FGF14: variants seen among roughly 807,000 people sequenced by gnomAD.
The protein encoded by FGF14 is fibroblast growth factor 14.
A neutral mutation model predicts 25.5 loss-of-function variants in FGF14; 5 were observed. The ratio of observed to expected loss-of-function variants is 0.20; its 90% CI spans 0.10 to 0.41. The LOEUF (loss-of-function observed/expected upper bound fraction) is 0.41. FGF14 is among the 10% of genes least tolerant of loss of function. The probability of loss-of-function intolerance (pLI) is 1.00; values close to 1 mark genes in which losing one functional copy is unlikely to be tolerated. For missense variants in FGF14, 222 were observed against 320.1 expected (o/e 0.69, Z 2.34); for synonymous variants, 138 against 118.3 (o/e 1.17, Z -1.08).
chr13:102,348,046 G>C (rs919806778), intron 1 of FGF14, among the ~76,000 whole-genome samples: 1 of 151,398 alleles, frequency 6.6e-6, no homozygotes, highest in African/African-American at 2.4e-5. Flanking sequence ...CATCTCATGA[G>C]GATGTGTGAG....
intron 1 of FGF14, among the ~76,000 whole-genome samples, chr13:102,097,028 A>AT (rs2044433704): frequency 1.1e-5 from 1 of 89,060 alleles, no homozygotes; most frequent in African/African-American, 3.1e-5. Flanking sequence ...TGACTGGAGG[A>AT]CTTTTTTTTT....
At chr13:101,919,300 T>G (rs374185659), upstream of FGF14, among the ~76,000 whole-genome samples, 70 of 151,944 alleles carry the variant, frequency 4.6e-4, no homozygotes, top group African/African-American at 1.5e-3. Context: ...AGGTTTATTA[T>G]CAAAGGCTTC....
intron 1 of FGF14, among the ~76,000 whole-genome samples, chr13:102,035,078 A>G (rs1190645542): frequency 1.3e-5 from 2 of 152,106 alleles, no homozygotes; most frequent in Non-Finnish European, 2.9e-5. Flanking sequence ...AACTTGAAAT[A>G]ATACGGAGAA....
chr13:102,187,733 T>C (rs2048933572), intron 1 of FGF14, among the ~76,000 whole-genome samples: 2 of 152,188 alleles, frequency 1.3e-5, no homozygotes, highest in Non-Finnish European at 2.9e-5. Context: ...AGCACCTCTG[T>C]GGAAGAAAAG....
intron 1 of FGF14, among the ~76,000 whole-genome samples, chr13:102,068,391 A>T (rs1338594920): frequency 6.6e-6 from 1 of 152,224 alleles, no homozygotes; most frequent in African/African-American, 2.4e-5. Context: ...GGAGCCCTTC[A>T]GCCCACCGCT....
chr13:101,909,482 C>T (rs1204340279), intron 1 of FGF14, among the ~76,000 whole-genome samples: 7 of 152,102 alleles, frequency 4.6e-5, no homozygotes, highest in East Asian at 1.9e-4. Context: ...CCAAAAGACA[C>T]GTGAAAAAAT....
chr13:102,044,160 G>C (rs1566612986), intron 1 of FGF14, among the ~76,000 whole-genome samples: 2 of 152,110 alleles, frequency 1.3e-5, no homozygotes, highest in Non-Finnish European at 2.9e-5. Flanking sequence ...TCAAGACCCG[G>C]TTGGCCAGCT....
At chr13:102,258,242 CAAGAT>C (rs1393550681) in intron 1 of FGF14, among the ~76,000 whole-genome samples, 1 of 152,132 alleles carries the variant, frequency 6.6e-6, no homozygotes, top group Admixed American at 6.5e-5. Flanking sequence ...AACTACAATT[CAAGAT>C]GAGATTTGGG....
intron 1 of FGF14, among the ~76,000 whole-genome samples, chr13:102,325,713 G>A (rs1418773987): frequency 1.3e-5 from 2 of 151,886 alleles, no homozygotes; most frequent in South Asian, 2.1e-4. Context: ...TACCATCCTC[G>A]GTCACACTAT....
In FGF14 at chr13:102,161,660, A is replaced by G. The variant is rs763468389; in HGVS notation, c.208+239811T>C. On this transcript the variant is annotated intron_variant, in intron 1 of 4. Transcript: ENST00000376131. ...AAGAAGAAGAAGAAGAAGAAGAAGAAGAAGAAGAAGAAGAAGAAGAAGAAG... is the reference window on the plus strand; with the variant it reads ...AAGAAGAAGAAGAAGAAGAAGAAGAGGAAGAAGAAGAAGAAGAAGAAGAAG... 3.9e-3 allele frequency among the ~76,000 whole-genome samples: 83 copies of G among 21,044 alleles called. 1 individual carries two copies. The highest frequency in any genetic ancestry group is 5.1e-3 in the Non-Finnish European group (55 of 10,706). The allele number at this position is 21,044 out of a possible 152,430, so 13.8% of individuals were successfully genotyped here. A position where few individuals can be genotyped will look rare whatever the true frequency, so the allele number is the denominator to read the frequency against.
chr13:102,059,291 C>T (rs1299086099), intron 1 of FGF14, among the ~76,000 whole-genome samples: 3 of 152,190 alleles, frequency 2.0e-5, no homozygotes, highest in Admixed American at 1.3e-4. Flanking sequence ...TCTCTTTCCT[C>T]CCTGCAAGCC....
chr13:102,218,123 A>AAATTG (rs1471540013), intron 1 of FGF14, among the ~76,000 whole-genome samples: 1 of 152,064 alleles, frequency 6.6e-6, no homozygotes, highest in Non-Finnish European at 1.5e-5. Context: ...GCTTTGCCCA[A>AAATTG]CTCTGCAAAT....
chr13:101,867,230 TA>T, intron 3 of FGF14, among the ~76,000 whole-genome samples: 1 of 152,264 alleles, frequency 6.6e-6, no homozygotes, highest in Admixed American at 6.6e-5. Flanking sequence ...GCATAATCAA[TA>T]CTTTTATTTT....
intron 1 of FGF14, among the ~76,000 whole-genome samples, chr13:102,211,136 A>C (rs1336531163): frequency 6.6e-6 from 1 of 152,020 alleles, no homozygotes; most frequent in Admixed American, 6.5e-5. Flanking sequence ...TATAATGCAA[A>C]AGGGAACAAC....
At chr13:101,749,228 G>A (rs939717929) in intron 3 of FGF14, among the ~76,000 whole-genome samples, 1 of 151,926 alleles carries the variant, frequency 6.6e-6, no homozygotes, top group Non-Finnish European at 1.5e-5. Flanking sequence ...GAGATCTGAT[G>A]GACAGCCATA....
At chr13:102,025,018 TA>T (rs1161562908) in intron 1 of FGF14, among the ~76,000 whole-genome samples, 2 of 134,742 alleles carry the variant, frequency 1.5e-5, no homozygotes, top group Non-Finnish European at 3.0e-5. Flanking sequence ...CAGACATGCA[TA>T]TATATATATT....
At chr13:102,323,158 T>G (rs1304997417) in intron 1 of FGF14, among the ~76,000 whole-genome samples, 3 of 152,188 alleles carry the variant, frequency 2.0e-5, no homozygotes, top group Admixed American at 2.0e-4. Flanking sequence ...TATAAATTAT[T>G]GTTAATCTGT....
At chr13:101,985,644 C>A (rs1224097313) in intron 1 of FGF14, among the ~76,000 whole-genome samples, 1 of 152,130 alleles carries the variant, frequency 6.6e-6, no homozygotes, top group South Asian at 2.1e-4. Context: ...ATAAAGAAAC[C>A]TGAAAATATG....
rs377443103 is a variant in FGF14, at chr13:102,073,835, G to A, written c.209-198539C>T. Among the ~76,000 whole-genome samples, 5 of 152,336 alleles carry A rather than the reference G, an allele frequency of 3.3e-5. No individual in the cohort carries two copies. The South Asian group carries it at 1.0e-3, about 32-fold the overall frequency. ...ATGGAAAAACAAAGACCAAGGCCTT[G>A]ATCTGAGGGAGATGGGGGATTCCCT... On this transcript the variant is annotated intron_variant, in intron 1 of 4. Transcript: ENST00000376131.
Sources: allele counts gnomAD v4.1 joint callset (sites outside exome capture counted in the v4.1 genomes callset), GRCh38; gene constraint gnomAD v4.1.1; transcripts MANE v1.5; gene names NCBI Gene and HGNC (gene_info 2026-07-23, HGNC 2026-07-21).